FAM169A: variants seen among roughly 807,000 people sequenced by gnomAD.
The protein encoded by FAM169A is family with sequence similarity 169 member A.
A neutral mutation model predicts 75.7 loss-of-function variants in FAM169A; 24 were observed. The observed-to-expected ratio is 0.32, with a 90% CI of 0.23 to 0.45. The LOEUF (loss-of-function observed/expected upper bound fraction) is 0.45. Among genes scored for constraint, FAM169A ranks in the 20% least tolerant of loss-of-function variants. The pLI is 1.00. For synonymous variants in FAM169A, 271 were observed against 271.0 expected, an observed-to-expected ratio of 1.00 and a Z score of 0.00; for missense variants, 673 against 784.0, an observed-to-expected ratio of 0.86 and a Z score of 1.69.
rs1748863873 is a variant in FAM169A at position 74,841,559 on chromosome 5, G to C, written c.118C>G (p.Leu40Val). Residue 40 changes from leucine to valine, a missense_variant, in exon 2 of 13, where the codon CTT (leucine) becomes GTT (valine). Physicochemically the swap from Leu to Val is conservative, Grantham distance 32 (BLOSUM62 1). This residue lies in a region of FAM169A where 56 missense variants were observed against 52.2 expected (regional missense o/e 1.07). Transcript: ENST00000687041. ...GAACACCTTACCGTAATATTGAGAA[G>C]AGAAAAACACTCTGGATTTTCAGGG... ...GDPENPECFS[L>V]LNITIPISLS... 1 of 1,612,344 alleles carries C rather than the reference G, an allele frequency of 6.2e-7. No individual in the cohort carries two copies. Among genetic ancestry groups the C allele is most frequent in the Non-Finnish European group, 8.5e-7 (1 of 1,179,058 alleles).
intron 8 of FAM169A, among the ~76,000 whole-genome samples, chr5:74,802,257 G>C (rs555829731): frequency 6.6e-6 from 1 of 151,832 alleles, no homozygotes. Context: ...TATATCTTTA[G>C]TCTCTTGAAC....
rs574447604 is a variant in FAM169A, at chr5:74,864,421, G to A, written c.-4+1744C>T. Among the ~76,000 whole-genome samples, 17 of 152,234 alleles carry A rather than the reference G, an allele frequency of 1.1e-4. No individual in the cohort carries two copies. The South Asian group carries it at 2.7e-3, about 24-fold the overall frequency. ...AATTTTGTATTTTTAGTAGAGACGGGGTTTCACCATGTTGGCCAGGCTGGT... is the reference window on the plus strand; with the variant it reads ...AATTTTGTATTTTTAGTAGAGACGGAGTTTCACCATGTTGGCCAGGCTGGT... On this transcript the variant is annotated intron_variant, in intron 1 of 12. Transcript: ENST00000687041.
intron 11 of FAM169A, among the ~76,000 whole-genome samples, chr5:74,787,109 T>C (rs62366415): frequency 0.085 from 12,962 of 152,202 alleles, 687 homozygotes; most frequent in East Asian, 0.17. Flanking sequence ...GTGCTACACT[T>C]GAAAAGAACT....
chr5:74,858,570 C>T (rs913887292), intron 1 of FAM169A, among the ~76,000 whole-genome samples: 5 of 151,978 alleles, frequency 3.3e-5, no homozygotes, highest in Non-Finnish European at 5.9e-5. Flanking sequence ...CAACAGACAC[C>T]AGGGCTTACT....
rs556281680 is a variant in FAM169A at position 74,854,282 on chromosome 5, C to G, written c.-4+11883G>C. On this transcript the variant is annotated intron_variant, in intron 1 of 12. Transcript: ENST00000687041. ...TGGTGGCGGATGCCTGTAGTCTTAA[C>G]TACTCAAGAGGCTGAGGCAGGAGAA... 3.2e-4 allele frequency among the ~76,000 whole-genome samples: 48 copies of G among 152,130 alleles called. 1 individual carries two copies. The South Asian group carries it at 9.4e-3, about 30-fold the overall frequency.
intron 11 of FAM169A, among the ~76,000 whole-genome samples, chr5:74,789,349 G>A (rs1745858913): frequency 6.6e-6 from 1 of 152,218 alleles, no homozygotes; most frequent in Non-Finnish European, 1.5e-5. Context: ...GTGGTGTGGG[G>A]CCTGTTGAGA....
intron 1 of FAM169A, among the ~76,000 whole-genome samples, chr5:74,852,945 T>G (rs1749517751): frequency 6.6e-6 from 1 of 152,206 alleles, no homozygotes. Flanking sequence ...AAGTACCTTG[T>G]GCATAAATCT....
chr5:74,828,209 T>C (rs1006931323), intron 5 of FAM169A, among the ~76,000 whole-genome samples: 3 of 152,342 alleles, frequency 2.0e-5, no homozygotes, highest in East Asian at 3.9e-4. Context: ...TCTGGCATTA[T>C]TAAACACAAC....
chr5:74,783,342 C>G (rs1223186888), intron 11 of FAM169A, among the ~76,000 whole-genome samples: 3 of 152,164 alleles, frequency 2.0e-5, no homozygotes, highest in Admixed American at 1.3e-4. Flanking sequence ...CTGAGTACCC[C>G]GTACTCCCAC....
chr5:74,852,142 C>T (rs938000396), intron 1 of FAM169A, among the ~76,000 whole-genome samples: 4 of 152,068 alleles, frequency 2.6e-5, no homozygotes, highest in African/African-American at 7.2e-5. Context: ...AGTCACAATC[C>T]CCATCACTAC....
At chr5:74,864,008 C>A (rs1580183625) in intron 1 of FAM169A, among the ~76,000 whole-genome samples, 2 of 152,182 alleles carry the variant, frequency 1.3e-5, no homozygotes, top group African/African-American at 4.8e-5. Context: ...AGGTTCTTCT[C>A]GCCTCCATAA....
intron 11 of FAM169A, among the ~76,000 whole-genome samples, chr5:74,793,122 C>T (rs778653883): frequency 6.6e-6 from 1 of 151,928 alleles, no homozygotes; most frequent in South Asian, 2.1e-4. Context: ...GTCAAGAGAT[C>T]GAGACCATCC....
At chr5:74,851,057 A>C (rs1007778071) in intron 1 of FAM169A, among the ~76,000 whole-genome samples, 1 of 152,198 alleles carries the variant, frequency 6.6e-6, no homozygotes, top group African/African-American at 2.4e-5. Flanking sequence ...CTAAGAATAC[A>C]GGCACATGCC....
Position 74,781,728 on chromosome 5 carries a change from G to C in FAM169A, c.1745C>G (p.Thr582Arg). 1 of 1,614,136 alleles carries C rather than the reference G, an allele frequency of 6.2e-7. No homozygotes were observed. The highest frequency in any genetic ancestry group is 8.5e-7 in the Non-Finnish European group (1 of 1,180,006). ...AGAACTCTGAGGAAGAGCAGTAGAT[G>C]TTTCCTGGGGCTCAGATACCCCCTC... ...GEEGVSEPQE[T>R]STALPQSSLI... is the part of the protein sequence containing the mutation. The change falls in exon 13 of 13, where the codon ACA (threonine) becomes AGA (arginine). Residue 582 changes from threonine (T) to arginine (R), a missense_variant. Thr to Arg is a moderately conservative substitution (Grantham distance 71). Around this residue, in one of 3 missense-constraint regions of FAM169A, gnomAD observed 510 missense variants for 550.9 expected, o/e 0.93. Transcript: ENST00000687041.
intron 6 of FAM169A, among the ~76,000 whole-genome samples, chr5:74,809,826 T>G (rs1747083002): frequency 6.6e-6 from 1 of 152,100 alleles, no homozygotes; most frequent in African/African-American, 2.4e-5. Context: ...TTAAAGAGAT[T>G]GACAAAAACC....
At chr5:74,852,215 T>C (rs186124472) in intron 1 of FAM169A, among the ~76,000 whole-genome samples, 61 of 152,208 alleles carry the variant, frequency 4.0e-4, no homozygotes, top group Non-Finnish European at 7.2e-4. Flanking sequence ...GCTGCCATTA[T>C]ATAGCAGAGT....
intron 2 of FAM169A, among the ~76,000 whole-genome samples, chr5:74,840,972 T>C (rs781421213): frequency 3.3e-5 from 5 of 152,168 alleles, no homozygotes; most frequent in African/African-American, 7.2e-5. Context: ...TTCAGAGAAT[T>C]ATAAAAATAT....
intron 2 of FAM169A, among the ~76,000 whole-genome samples, 154 bp from the exon 3 acceptor site, chr5:74,840,327 CAGAT>C (rs1408624858): frequency 1.3e-5 from 2 of 151,882 alleles, no homozygotes; most frequent in Non-Finnish European, 2.9e-5. Context: ...AAGAGTAAAT[CAGAT>C]AGACTTCCCT....
intron 1 of FAM169A, among the ~76,000 whole-genome samples, chr5:74,843,875 T>A (rs920455138): frequency 6.6e-6 from 1 of 152,204 alleles, no homozygotes; most frequent in African/African-American, 2.4e-5. Context: ...TTGTTAGGTC[T>A]ATATACCCAG....
Sources: gnomAD v4.1 joint callset for allele counts (sites outside exome capture counted in the v4.1 genomes callset) on GRCh38, gnomAD v4.1.1 for gene constraint, gnomAD v4.1.1 regional missense constraint, MANE v1.5 for transcripts, NCBI Gene and HGNC (gene_info 2026-07-23, HGNC 2026-07-21) for gene names.